Variants in BPNT1 observed in about 807,000 individuals in gnomAD.
BPNT1 encodes 3'(2'),5'-bisphosphate nucleotidase 1.
BPNT1 carries 28 observed loss-of-function variants against 36.9 expected under a neutral mutation model. That is an observed-to-expected ratio of 0.76 (90% CI 0.56 to 1.04). BPNT1 has a LOEUF of 1.04. BPNT1 is among the 50% of genes least tolerant of loss of function. BPNT1 has a pLI of 0.00. For missense variants in BPNT1, 313 were observed against 372.9 expected (o/e 0.84, Z 1.32); for synonymous variants, 119 against 130.9 (o/e 0.91, Z 0.62).
rs1247858621 is a variant in BPNT1, at chr1:220,058,494, T to C, written c.*350A>G. 4.7e-5 allele frequency: 46 copies of C among 989,180 alleles called. No homozygotes were observed. The highest frequency in any genetic ancestry group is 5.4e-5 in the Non-Finnish European group (45 of 829,048). 61.3% of individuals were successfully genotyped at this position (989,180 alleles called of 1,614,324 possible). On this transcript the variant is annotated 3_prime_UTR_variant, in exon 9 of 9. Transcript: ENST00000322067. ...TATTTTGAGAACCAAGTCTTTCTCCTAGCTAAGTAAATGAAACTTTAAGTA... is the reference window on the plus strand; with the variant it reads ...TATTTTGAGAACCAAGTCTTTCTCCCAGCTAAGTAAATGAAACTTTAAGTA...
chr1:220,058,568 G>T lies in BPNT1; in HGVS notation c.*276C>A. The stretch of plus-strand genomic sequence containing the variant: ...TTTTCTGAGACAGGGCTTAACTCCT[G>T]TCACTCAGGCTGGAGTGCAGTGGCA... On this transcript the variant is annotated 3_prime_UTR_variant, in exon 9 of 9. Transcript: ENST00000322067. 3.3e-6 allele frequency: 3 copies of T among 920,582 alleles called. No homozygotes were observed. The highest frequency in any genetic ancestry group is 4.0e-6 in the Non-Finnish European group (3 of 754,172). The allele number at this position is 920,582 out of a possible 1,614,324, so 57.0% of individuals were successfully genotyped here.
chr1:220,060,649 C>A, intron 7 of BPNT1, among the ~76,000 whole-genome samples: 1 of 152,136 alleles, frequency 6.6e-6, no homozygotes, highest in East Asian at 1.9e-4. Flanking sequence ...ATTGCCATTT[C>A]ACTACCAAAA....
rs975663071 is a variant in BPNT1 at position 220,074,038 on chromosome 1, G to A, written c.154C>T (p.Arg52Ter). Residue 52 changes from arginine to a stop codon, truncating the protein, a stop_gained, in exon 3 of 9, where the codon CGA (arginine) becomes TGA (stop). Coordinates refer to ENST00000322067, the MANE Select transcript of BPNT1 (RefSeq NM_006085.6). LOFTEE classifies it high-confidence loss of function. ...GAACATATGCTCATCTGTGCCAATCGGTCAGCTTTGGTCTGCAGGTCTGTT... is the reference window on the plus strand; with the variant it reads ...GAACATATGCTCATCTGTGCCAATCAGTCAGCTTTGGTCTGCAGGTCTGTT... Reference protein sequence around the residue: ...CATDLQTKADRLAQMSICSSL... With the variant: ...CATDLQTKAD 7 of 1,613,850 alleles carry A rather than the reference G, an allele frequency of 4.3e-6. No homozygotes were observed. Among genetic ancestry groups the A allele is most frequent in the South Asian group, 2.2e-5 (2 of 91,034 alleles).
chr1:220,076,746 T>C (rs1664590139), intron 2 of BPNT1, among the ~76,000 whole-genome samples: 1 of 150,528 alleles, frequency 6.6e-6, no homozygotes, highest in Non-Finnish European at 1.5e-5. Flanking sequence ...AGTAGCCCTC[T>C]GAAAGCAGCA....
At position 220,057,727 on chromosome 1, in the gene BPNT1, C is replaced by A; in HGVS notation, c.*1117G>T. Reference sequence around the variant, plus strand: ...TAAAAAGCTGGTGAATAACAAAGAGCTAGGATTAAATAATTTATTTAAAAA... The same window carrying A: ...TAAAAAGCTGGTGAATAACAAAGAGATAGGATTAAATAATTTATTTAAAAA... On this transcript the variant is annotated 3_prime_UTR_variant, in exon 9 of 9. Transcript: ENST00000322067. 4 of 562,334 alleles carry A rather than the reference C, an allele frequency of 7.1e-6. No homozygotes were observed. The highest frequency in any genetic ancestry group is 1.8e-5 in the South Asian group (1 of 55,682). The allele number at this position is 562,334 out of a possible 1,614,324, so 34.8% of individuals were successfully genotyped here. A position where few individuals can be genotyped will look rare whatever the true frequency, so the allele number is the denominator to read the frequency against.
intron 8 of BPNT1, 137 bp downstream of exon 8, chr1:220,059,549 G>T (rs561887745): frequency 3.3e-6 from 2 of 604,620 alleles, no homozygotes; most frequent in Admixed American, 7.4e-5. Flanking sequence ...TGAGGGGTTT[G>T]GACTGGATAA....
chr1:220,064,341 G>A (rs995414479), intron 6 of BPNT1, among the ~76,000 whole-genome samples: 2 of 152,178 alleles, frequency 1.3e-5, no homozygotes, highest in South Asian at 2.1e-4. Flanking sequence ...TACTTAGGTC[G>A]CAGGTTGGGT....
At chr1:220,079,946 T>G (rs956990998) in intron 1 of BPNT1, 92 bp from the exon 2 acceptor site, 2 of 1,339,980 alleles carry the variant, frequency 1.5e-6, no homozygotes, top group African/African-American at 1.5e-5. Context: ...ATTAATTGAG[T>G]GCTAACTTGG....
At chr1:220,069,806 G>C (rs920478767) in intron 4 of BPNT1, among the ~76,000 whole-genome samples, 2 of 151,974 alleles carry the variant, frequency 1.3e-5, no homozygotes, top group African/African-American at 4.8e-5. Flanking sequence ...CGTGGTGGTG[G>C]GTGGCTGTAA....
intron 4 of BPNT1, among the ~76,000 whole-genome samples, chr1:220,071,212 A>T (rs953953665): frequency 6.6e-6 from 1 of 152,056 alleles, no homozygotes; most frequent in African/African-American, 2.4e-5. Context: ...AAAGTGTCTT[A>T]TTCATAGTAA....
At chr1:220,077,386 A>G (rs1664644306) in intron 2 of BPNT1, among the ~76,000 whole-genome samples, 1 of 150,198 alleles carries the variant, frequency 6.7e-6, no homozygotes, top group Non-Finnish European at 1.5e-5. Flanking sequence ...TGTTCTTATG[A>G]ATTTTTTTTT....
At position 220,076,056 on chromosome 1, in the gene BPNT1, TA is replaced by T. The variant is rs1044728631; in HGVS notation, c.121-1986del. Among the ~76,000 whole-genome samples, 3 of 152,086 alleles carry T rather than the reference TA, an allele frequency of 2.0e-5. No homozygotes were observed. The East Asian group carries it at 5.8e-4, about 29-fold the overall frequency. Reference sequence around the variant, plus strand: ...TTTCTCCATTTCCTACTTTTCATAATAAAAAAAACTTTATAAAAAATGAGAT... The same window carrying T: ...TTTCTCCATTTCCTACTTTTCATAATAAAAAAACTTTATAAAAAATGAGAT... On this transcript the variant is annotated intron_variant, in intron 2 of 8. Coordinates refer to ENST00000322067, the MANE Select transcript of BPNT1 (RefSeq NM_006085.6).
intron 1 of BPNT1, among the ~76,000 whole-genome samples, chr1:220,082,103 G>C (rs1050399660): frequency 8.3e-5 from 12 of 144,392 alleles, no homozygotes; most frequent in African/African-American, 2.3e-4. Context: ...GAGAGAGAGA[G>C]AGAGAGAGAG....
chr1:220,078,549 T>TTATAA (rs1664809541), intron 2 of BPNT1, among the ~76,000 whole-genome samples: 1 of 139,320 alleles, frequency 7.2e-6, no homozygotes, highest in Admixed American at 7.5e-5. Flanking sequence ...TATATTATAA[T>TTATAA]TATATATAAA....
chr1:220,081,099 C>T (rs185731029), intron 1 of BPNT1, among the ~76,000 whole-genome samples: 93 of 152,216 alleles, frequency 6.1e-4, no homozygotes, highest in African/African-American at 2.1e-3. Flanking sequence ...CCACCATGCT[C>T]GGCTAATTTT....
chr1:220,076,697 T>A (rs865852600), intron 2 of BPNT1, among the ~76,000 whole-genome samples: 9 of 135,238 alleles, frequency 6.7e-5, no homozygotes, highest in African/African-American at 1.1e-4. Context: ...AAAAAAAAAA[T>A]AAATTAATAA....
At chr1:220,069,800 G>C (rs1189540715) in intron 4 of BPNT1, among the ~76,000 whole-genome samples, 1 of 152,080 alleles carries the variant, frequency 6.6e-6, no homozygotes, top group Non-Finnish European at 1.5e-5. Flanking sequence ...GCCGGGCGTG[G>C]TGGTGGGTGG....
intron 4 of BPNT1, among the ~76,000 whole-genome samples, chr1:220,072,152 A>G (rs2102690402): frequency 6.6e-6 from 1 of 150,564 alleles, no homozygotes; most frequent in East Asian, 2.0e-4. Flanking sequence ...CACGAGGTCA[A>G]GAGATCAAGA....
intron 1 of BPNT1, among the ~76,000 whole-genome samples, chr1:220,081,110 T>C (rs1332034973): frequency 6.6e-6 from 1 of 152,198 alleles, no homozygotes; most frequent in African/African-American, 2.4e-5. Flanking sequence ...GGCTAATTTT[T>C]ATTTTTAGTG....
Sources: gnomAD v4.1 joint callset for allele counts (sites outside exome capture counted in the v4.1 genomes callset) on GRCh38, gnomAD v4.1.1 for gene constraint, MANE v1.5 for transcripts, NCBI Gene and HGNC (gene_info 2026-07-23, HGNC 2026-07-21) for gene names.